The following EIF4G3 variants were observed in gnomAD, a reference collection of about 807,000 sequenced individuals.
EIF4G3 encodes the protein eukaryotic translation initiation factor 4 gamma 3, also known as eIF-4-gamma 3.
Under a neutral mutation model 186.4 loss-of-function variants are expected in EIF4G3, and 34 were observed. That is an observed-to-expected ratio of 0.18 (90% confidence interval 0.14 to 0.24). EIF4G3 has a LOEUF of 0.24. EIF4G3 is among the 10% of genes least tolerant of loss of function. The probability of loss-of-function intolerance (pLI) is 1.00; values close to 1 mark genes in which losing one functional copy is unlikely to be tolerated. For synonymous variants in EIF4G3, 673 were observed against 679.5 expected, an observed-to-expected ratio of 0.99 and a Z score of 0.15; for missense variants, 1,536 against 1,948.5, an observed-to-expected ratio of 0.79 and a Z score of 3.99.
intron 30 of EIF4G3, among the ~76,000 whole-genome samples, chr1:20,834,098 T>C (rs765068961): frequency 6.6e-6 from 1 of 152,172 alleles, no homozygotes; most frequent in African/African-American, 2.4e-5. Context: ...AATAATTATG[T>C]CACATGTAAA....
At chr1:21,133,423 C>A (rs1424251840) in intron 2 of EIF4G3, among the ~76,000 whole-genome samples, 1 of 152,048 alleles carries the variant, frequency 6.6e-6, no homozygotes, top group African/African-American at 2.4e-5. Context: ...GACAGGGTTT[C>A]ACCATATTGG....
At chr1:20,890,785 T>C (rs889099676) in intron 18 of EIF4G3, among the ~76,000 whole-genome samples, 1 of 152,256 alleles carries the variant, frequency 6.6e-6, no homozygotes, top group East Asian at 1.9e-4. Flanking sequence ...TTGATATTTA[T>C]GTCCTATGAC....
chr1:21,024,294 G>A (rs1401381771), intron 4 of EIF4G3, among the ~76,000 whole-genome samples: 14 of 151,944 alleles, frequency 9.2e-5, no homozygotes, highest in Admixed American at 2.6e-4. Flanking sequence ...CCCCTACTGG[G>A]AAGTGAAGAG....
chr1:21,139,697 TTTAA>T (rs2097306114), intron 2 of EIF4G3, among the ~76,000 whole-genome samples: 1 of 152,170 alleles, frequency 6.6e-6, no homozygotes, highest in South Asian at 2.1e-4. Context: ...TTCAGATCTA[TTTAA>T]TTTTTTTTAA....
At chr1:21,018,241 C>T (rs1211907707) in intron 4 of EIF4G3, among the ~76,000 whole-genome samples, 2 of 152,136 alleles carry the variant, frequency 1.3e-5, no homozygotes, top group Non-Finnish European at 2.9e-5. Flanking sequence ...CCAATGTGCC[C>T]AGTCAAATGT....
intron 2 of EIF4G3, among the ~76,000 whole-genome samples, chr1:21,103,827 G>A (rs1435515895): frequency 2.0e-5 from 3 of 152,096 alleles, no homozygotes; most frequent in African/African-American, 7.2e-5. Flanking sequence ...CTGGGCAACA[G>A]AGCAAGACTC....
chr1:20,842,547 A>T (rs1231547326), intron 29 of EIF4G3, among the ~76,000 whole-genome samples: 1 of 151,998 alleles, frequency 6.6e-6, no homozygotes, highest in Admixed American at 6.6e-5. Flanking sequence ...TTGTATTTTT[A>T]GTAGAGACAA....
At chr1:20,920,482 GAGA>G (rs1233773735) in intron 14 of EIF4G3, among the ~76,000 whole-genome samples, 1 of 152,124 alleles carries the variant, frequency 6.6e-6, no homozygotes, top group Non-Finnish European at 1.5e-5. Flanking sequence ...GGATAGAAGA[GAGA>G]ATAGAATAAT....
intron 6 of EIF4G3, among the ~76,000 whole-genome samples, chr1:20,998,241 A>T (rs1302391153): frequency 6.6e-6 from 1 of 150,802 alleles, no homozygotes; most frequent in Non-Finnish European, 1.5e-5. Context: ...ACACACACAC[A>T]CACACACAAG....
intron 15 of EIF4G3, among the ~76,000 whole-genome samples, chr1:20,904,205 T>C (rs1295333740): frequency 6.6e-6 from 1 of 152,236 alleles, no homozygotes; most frequent in Non-Finnish European, 1.5e-5. Flanking sequence ...AATTCCTTTA[T>C]AATGTACTAG....
At chr1:21,025,587 A>C (rs529873171) in intron 4 of EIF4G3, among the ~76,000 whole-genome samples, 1 of 152,222 alleles carries the variant, frequency 6.6e-6, no homozygotes, top group Non-Finnish European at 1.5e-5. Context: ...CAGAACCCAA[A>C]ATGATTGGGT....
chr1:21,139,752 A>G (rs1166438221), intron 2 of EIF4G3, among the ~76,000 whole-genome samples: 47 of 152,136 alleles, frequency 3.1e-4, no homozygotes. Context: ...TGCAGTGGCT[A>G]TTTACAGCCA....
chr1:20,936,749 T>C (rs2095529140), intron 14 of EIF4G3, among the ~76,000 whole-genome samples: 1 of 152,190 alleles, frequency 6.6e-6, no homozygotes, highest in Non-Finnish European at 1.5e-5. Context: ...CAAGGGTTGT[T>C]ATTAAAATAT....
chr1:21,138,820 G>GA (rs201434543), intron 2 of EIF4G3, among the ~76,000 whole-genome samples: 111 of 151,672 alleles, frequency 7.3e-4, no homozygotes, highest in African/African-American at 2.2e-3. Context: ...AAAAAATAAA[G>GA]AAAAAAAATC....
At chr1:21,147,445 A>T (rs1433453406) in intron 2 of EIF4G3, among the ~76,000 whole-genome samples, 2 of 151,194 alleles carry the variant, frequency 1.3e-5, no homozygotes, top group Non-Finnish European at 2.9e-5. Context: ...GGTTCAAGCG[A>T]TTCTCCTGCC....
chr1:21,059,918 A>G (rs1174140720), intron 3 of EIF4G3, among the ~76,000 whole-genome samples: 1 of 152,248 alleles, frequency 6.6e-6, no homozygotes, highest in Non-Finnish European at 1.5e-5. Flanking sequence ...AAGGTTAACG[A>G]AAGTGGACCC....
At chr1:21,019,066 G>A (rs372151432) in intron 4 of EIF4G3, among the ~76,000 whole-genome samples, 1 of 152,074 alleles carries the variant, frequency 6.6e-6, no homozygotes, top group Non-Finnish European at 1.5e-5. Context: ...TGTTGCCCAG[G>A]GTGGAGTACA....
intron 2 of EIF4G3, among the ~76,000 whole-genome samples, chr1:21,117,374 G>A (rs1027250964): frequency 3.9e-5 from 6 of 152,118 alleles, no homozygotes; most frequent in African/African-American, 1.2e-4. Context: ...TATTTTGACT[G>A]TACTTTTTAA....
chr1:21,052,431 C>A (rs1014668141), intron 3 of EIF4G3, among the ~76,000 whole-genome samples: 6 of 152,190 alleles, frequency 3.9e-5, no homozygotes, highest in Admixed American at 1.3e-4. Context: ...GCATAAAATA[C>A]AGACTTCTCA....
Sources: gnomAD v4.1 joint callset for allele counts (sites outside exome capture counted in the v4.1 genomes callset) on GRCh38, gnomAD v4.1.1 for gene constraint, MANE v1.5 for transcripts, NCBI Gene and HGNC (gene_info 2026-07-23, HGNC 2026-07-21) for gene names.